NPL: variants seen among roughly 807,000 people sequenced by gnomAD.
The protein encoded by NPL is N-acetylneuraminate lyase.
Under a neutral mutation model 41.1 loss-of-function variants are expected in NPL, and 32 were observed. That is an observed-to-expected ratio of 0.78 (90% CI 0.59 to 1.05). The LOEUF (loss-of-function observed/expected upper bound fraction) is 1.05. Ranked by LOEUF, NPL falls within the 50% of genes least tolerant of loss-of-function variation. The pLI, the probability that NPL is intolerant of heterozygous loss-of-function variation, is 0.00. For missense variants in NPL, 321 were observed against 378.4 expected, an observed-to-expected ratio of 0.85 and a Z score of 1.26; for synonymous variants, 128 against 134.9, an observed-to-expected ratio of 0.95 and a Z score of 0.35.
intron 3 of NPL, among the ~76,000 whole-genome samples, chr1:182,801,259 T>C (rs1388407795): frequency 2.0e-5 from 3 of 152,132 alleles, no homozygotes; most frequent in African/African-American, 7.2e-5. Flanking sequence ...AGGGGCATTT[T>C]ATAAGAAGCA....
chr1:182,821,914 C>A (rs772090830), intron 10 of NPL, among the ~76,000 whole-genome samples: 2 of 152,184 alleles, frequency 1.3e-5, no homozygotes, highest in Non-Finnish European at 2.9e-5. Context: ...TTTTGCCTGT[C>A]TTCCTTCTCT....
At chr1:182,799,779 A>G (rs1666781931) in intron 3 of NPL, among the ~76,000 whole-genome samples, 1 of 151,622 alleles carries the variant, frequency 6.6e-6, no homozygotes, top group Non-Finnish European at 1.5e-5. Context: ...TCTAAACCCA[A>G]CGCAAAGAAT....
In NPL at chr1:182,829,336, C is replaced by A; in HGVS notation, c.*428C>A. 8.1e-7 allele frequency: 1 copy of A among 1,231,702 alleles called. No individual in the cohort carries two copies. Among genetic ancestry groups the A allele is most frequent in the Non-Finnish European group, 1.0e-6 (1 of 983,590 alleles). The allele number at this position is 1,231,702 out of a possible 1,614,324, so 76.3% of individuals were successfully genotyped here. A position where few individuals can be genotyped will look rare whatever the true frequency, so the allele number is the denominator to read the frequency against. ...AATCTAGGAAAACTCTGAGCTACTGCATTTAGGCAGGCACTTTAATACCAA... is the reference window on the plus strand; with the variant it reads ...AATCTAGGAAAACTCTGAGCTACTGAATTTAGGCAGGCACTTTAATACCAA... On this transcript the variant is annotated 3_prime_UTR_variant, in exon 13 of 13. Transcript: ENST00000367553.
chr1:182,803,675 C>CT, intron 3 of NPL, 23 bp from the exon 4 acceptor site: 5 of 1,549,090 alleles, frequency 3.2e-6, no homozygotes, highest in African/African-American at 1.4e-5. Context: ...CTAAATATGC[C>CT]TTTTTTTCCA....
intron 10 of NPL, among the ~76,000 whole-genome samples, chr1:182,819,315 G>A (rs1003673797): frequency 2.6e-5 from 4 of 151,950 alleles, no homozygotes; most frequent in African/African-American, 7.2e-5. Context: ...GCATGGTGGC[G>A]GGCGCCTGTA....
intron 3 of NPL, among the ~76,000 whole-genome samples, chr1:182,800,339 G>A (rs1379529097): frequency 6.6e-6 from 1 of 151,448 alleles, no homozygotes; most frequent in African/African-American, 2.4e-5. Flanking sequence ...GGGAGGCAGA[G>A]GCCAGAGGAT....
rs1346178890 is a variant in NPL, at chr1:182,811,760, T to C, written c.231-396T>C. Among the ~76,000 whole-genome samples, 4 of 152,232 alleles carry C rather than the reference T, an allele frequency of 2.6e-5. 1 individual carries two copies. The highest frequency in any genetic ancestry group is 4.4e-5 in the Non-Finnish European group (3 of 68,032). On this transcript the variant is annotated intron_variant, in intron 5 of 12. Transcript: ENST00000367553. ...TGGTAACATGAAACCTCCATGATACTGTATAAACATACCACCTTCCCATTG... is the reference window on the plus strand; with the variant it reads ...TGGTAACATGAAACCTCCATGATACCGTATAAACATACCACCTTCCCATTG...
chr1:182,814,521 T>A (rs1667268067), intron 6 of NPL, among the ~76,000 whole-genome samples: 1 of 152,216 alleles, frequency 6.6e-6, no homozygotes, highest in African/African-American at 2.4e-5. Context: ...ATGAACCACT[T>A]ACGTCTCCTT....
intron 7 of NPL, among the ~76,000 whole-genome samples, chr1:182,816,070 G>A (rs1667322329): frequency 6.6e-6 from 1 of 152,194 alleles, no homozygotes; most frequent in Non-Finnish European, 1.5e-5. Flanking sequence ...TTACCCAGTG[G>A]CATCCAAAGC....
Position 182,829,553 on chromosome 1 carries a change from A to G in NPL, c.*645A>G. ...AAGGGCGGCTTTCTCATAACAAAGG[A>G]AAAAGTCTTCCCCAAAGATGAATTT... On this transcript the variant is annotated 3_prime_UTR_variant, in exon 13 of 13. Transcript: ENST00000367553. 6.6e-7 allele frequency: 1 copy of G among 1,525,726 alleles called. No homozygotes were observed. The highest frequency in any genetic ancestry group is 8.9e-7 in the Non-Finnish European group (1 of 1,126,188). 94.5% of individuals were successfully genotyped at this position (1,525,726 alleles called of 1,614,324 possible).
chr1:182,815,143 A>G (rs758206118), intron 7 of NPL, among the ~76,000 whole-genome samples: 3 of 152,198 alleles, frequency 2.0e-5, no homozygotes, highest in Non-Finnish European at 2.9e-5. Context: ...CTCCTAGACC[A>G]GTGAGTTGCA....
In NPL at chr1:182,828,787, C is replaced by G. The variant is rs1361120784; in HGVS notation, c.842C>G (p.Pro281Arg). The G allele has an allele frequency of 6.2e-7, 1 of 1,614,104 alleles. No homozygotes were observed. Among genetic ancestry groups the G allele is most frequent in the African/African-American group, 1.3e-5 (1 of 74,992 alleles). Residue 281 changes from proline to arginine, a missense_variant, in exon 13 of 13, where the codon CCC becomes CGC. Physicochemically the swap from Pro to Arg is moderately radical, Grantham distance 103. Coordinates refer to ENST00000367553, the MANE Select transcript of NPL (RefSeq NM_030769.3). The surrounding 1 kb of genome is among the most constrained non-coding windows in gnomAD (Gnocchi z 4.0). ...GTCTCTGGGATTCCAATGGGCCCAC[C>G]CCGGCTTCCACTGCAGAAAGCCTCC... Reference protein sequence around the residue: ...TLVSGIPMGPPRLPLQKASRE... With the variant: ...TLVSGIPMGPRRLPLQKASRE...
chr1:182,809,568 T>C (rs76832047), intron 5 of NPL, among the ~76,000 whole-genome samples: 12,359 of 147,968 alleles, frequency 0.084, 734 homozygotes, highest in African/African-American at 0.16. Context: ...GTTGAGAAGC[T>C]AGGAGGAAAG....
intron 10 of NPL, 111 bp from the exon 11 acceptor site, chr1:182,822,004 C>T (rs181419346): frequency 6.5e-6 from 5 of 763,602 alleles, no homozygotes; most frequent in Non-Finnish European, 1.2e-5. Flanking sequence ...CAAAAACAGA[C>T]TTTAGGAGGA....
Position 182,820,859 on chromosome 1 carries a change from G to T in NPL, c.654-1256G>T, listed in dbSNP as rs147474079. On this transcript the variant is annotated intron_variant, in intron 10 of 12. Coordinates refer to ENST00000367553, the MANE Select transcript of NPL (RefSeq NM_030769.3). Reference sequence around the variant, plus strand: ...CATTTCAACCTGAGATTTAGGCAGGGACATAGATCCAAACCATATCACCAT... The same window carrying T: ...CATTTCAACCTGAGATTTAGGCAGGTACATAGATCCAAACCATATCACCAT... Among the ~76,000 whole-genome samples the T allele has an allele frequency of 4.5e-4, 69 of 152,288 alleles. 1 individual carries two copies. In the East Asian group the frequency reaches 0.012, roughly 27 times the overall value.
intron 4 of NPL, among the ~76,000 whole-genome samples, chr1:182,805,297 G>T (rs190191958): frequency 2.6e-5 from 4 of 152,318 alleles, no homozygotes; most frequent in Non-Finnish European, 5.9e-5. Flanking sequence ...TGGGCATGGT[G>T]GTGGGTCCCT....
In NPL at chr1:182,830,345, T is replaced by A. The variant is rs1667733822; in HGVS notation, c.*1437T>A. ...TAAAGCCAAATTTAAATTCTAAAAT[T>A]AATTCTTGGGTATCCAATAAACAAA... On this transcript the variant is annotated 3_prime_UTR_variant, in exon 13 of 13. Transcript: ENST00000367553. The A allele has an allele frequency of 6.6e-6, 1 of 152,226 alleles. No individual in the cohort carries two copies. Among genetic ancestry groups the A allele is most frequent in the South Asian group, 2.1e-4 (1 of 4,836 alleles). The allele number at this position is 152,226 out of a possible 1,614,324, so 9.4% of individuals were successfully genotyped here.
At chr1:182,809,327 T>C (rs963292831) in intron 5 of NPL, 18 of 350,504 alleles carry the variant, frequency 5.1e-5, no homozygotes, top group African/African-American at 2.2e-4. Flanking sequence ...TCACCTGAGG[T>C]CAGAAGTTTG....
chr1:182,828,900 G>T lies in NPL; in HGVS notation c.955G>T (p.Gly319Cys). The T allele has an allele frequency of 6.2e-7, 1 of 1,614,150 alleles. No homozygotes were observed. Among genetic ancestry groups the T allele is most frequent in the Non-Finnish European group, 8.5e-7 (1 of 1,180,016 alleles). The stretch of plus-strand genomic sequence containing the variant: ...TTTAAAGGATGGAAACTTGGAAGCT[G>T]GTAGCTAGTGCCTCTCTATCAAATC... ...TDLKDGNLEA[G>C]S Residue 319 changes from glycine (G) to cysteine (C), a missense_variant, in exon 13 of 13, where the codon GGT becomes TGT. Transcript: ENST00000367553. This position sits in a 1 kb window ranked among gnomAD's most constrained non-coding sequence, Gnocchi z 4.0.
Sources: allele counts gnomAD v4.1 joint callset (sites outside exome capture counted in the v4.1 genomes callset), GRCh38; gene constraint gnomAD v4.1.1; non-coding constraint Gnocchi (gnomAD v3.1); transcripts MANE v1.5; gene names NCBI Gene and HGNC (gene_info 2026-07-23, HGNC 2026-07-21).